The following MAGI2 variants were observed in gnomAD, a reference collection of about 807,000 sequenced individuals.
MAGI2 encodes the protein membrane associated guanylate kinase, WW and PDZ domain containing 2.
In MAGI2, 35 loss-of-function variants were observed where a neutral mutation model predicts 133.3. The ratio of observed to expected loss-of-function variants is 0.26; its 90% CI spans 0.20 to 0.35. The LOEUF (loss-of-function observed/expected upper bound fraction) is 0.35. Ranked by LOEUF, MAGI2 falls within the 10% of genes least tolerant of loss-of-function variation. The pLI, the probability that MAGI2 is intolerant of heterozygous loss-of-function variation, is 1.00. For missense variants in MAGI2, 1,636 were observed against 1,863.4 expected, an observed-to-expected ratio of 0.88 and a Z score of 2.25; for synonymous variants, 729 against 710.6, an observed-to-expected ratio of 1.03 and a Z score of -0.41.
intron 1 of MAGI2, among the ~76,000 whole-genome samples, chr7:79,358,447 C>T (rs940690753): frequency 6.6e-6 from 1 of 152,020 alleles, no homozygotes; most frequent in Non-Finnish European, 1.5e-5. Flanking sequence ...GAGTACTATA[C>T]CTCTCGAGGT....
chr7:78,293,488 G>A (rs1164821540), intron 9 of MAGI2, among the ~76,000 whole-genome samples: 3 of 152,180 alleles, frequency 2.0e-5, no homozygotes, highest in Non-Finnish European at 4.4e-5. Flanking sequence ...CTGTTGGTGG[G>A]ACTATAAGCT....
At chr7:78,445,484 A>G (rs776672870) in intron 6 of MAGI2, among the ~76,000 whole-genome samples, 11 of 152,042 alleles carry the variant, frequency 7.2e-5, no homozygotes, top group Non-Finnish European at 1.5e-4. Context: ...TTGATATATA[A>G]TCTTCATATA....
At chr7:78,980,145 G>T (rs748469442) in intron 2 of MAGI2, among the ~76,000 whole-genome samples, 1 of 151,530 alleles carries the variant, frequency 6.6e-6, no homozygotes, top group Non-Finnish European at 1.5e-5. Context: ...TCCCAGGCAG[G>T]TTAGGAAATC....
rs140828645 is a variant in MAGI2 at position 78,990,905 on chromosome 7, TACAC to T, written c.418+16181_418+16184del. 6.6e-3 allele frequency among the ~76,000 whole-genome samples: 937 copies of T among 141,480 alleles called. 4 individuals are homozygous for T. The highest frequency in any genetic ancestry group is 0.021 in the Middle Eastern group (6 of 280). 92.8% of individuals were successfully genotyped at this position (141,480 alleles called of 152,430 possible). On this transcript the variant is annotated intron_variant, in intron 2 of 21. Coordinates refer to ENST00000354212, the MANE Select transcript of MAGI2 (RefSeq NM_012301.4). ...TGAAATAAGAGATTTTATATGTACA[TACAC>T]ACACACACACACACACACACACACA...
chr7:79,193,681 A>C (rs1459655556), intron 1 of MAGI2, among the ~76,000 whole-genome samples: 1 of 151,956 alleles, frequency 6.6e-6, no homozygotes, highest in Non-Finnish European at 1.5e-5. Context: ...GGACTGTGGA[A>C]GAAAGCAAAA....
intron 2 of MAGI2, among the ~76,000 whole-genome samples, chr7:78,635,241 G>C (rs191556794): frequency 1.3e-5 from 2 of 152,308 alleles, no homozygotes; most frequent in East Asian, 3.9e-4. Flanking sequence ...AGTGCCAATG[G>C]AATTTTTTTA....
chr7:78,791,654 A>G (rs1787151808), intron 2 of MAGI2, among the ~76,000 whole-genome samples: 1 of 150,118 alleles, frequency 6.7e-6, no homozygotes, highest in Non-Finnish European at 1.5e-5. Context: ...GGTTCAAGTG[A>G]TTCTCCTGCC....
At chr7:79,303,964 A>G (rs117482406) in intron 1 of MAGI2, among the ~76,000 whole-genome samples, 11,244 of 152,136 alleles carry the variant, frequency 0.074, 554 homozygotes, top group Non-Finnish European at 0.11. Flanking sequence ...TGTGTCTCAT[A>G]TATCCTGTAT....
Position 79,019,381 on chromosome 7 carries a change from T to G in MAGI2, c.302-12175A>C, listed in dbSNP as rs566010231. Among the ~76,000 whole-genome samples the G allele has an allele frequency of 7.9e-5, 12 of 152,178 alleles. No homozygotes were observed. In the South Asian group the frequency reaches 2.5e-3, roughly 32 times the overall value. ...AATTGTTTCATAAGATGTTTCCCCT[T>G]TCATTCAGCACTCATTCTCTATCCT... On this transcript the variant is annotated intron_variant, in intron 1 of 21. Transcript: ENST00000354212.
intron 3 of MAGI2, among the ~76,000 whole-genome samples, chr7:78,604,062 G>A (rs1399164187): frequency 1.3e-5 from 2 of 152,160 alleles, no homozygotes; most frequent in Non-Finnish European, 2.9e-5. Flanking sequence ...TAGATATTCT[G>A]ATGAAACATA....
intron 3 of MAGI2, chr7:78,583,284 G>A: frequency 6.5e-6 from 1 of 152,838 alleles, no homozygotes; most frequent in Non-Finnish European, 1.5e-5. Context: ...GGATCACGAG[G>A]TCAGGAGATC....
intron 2 of MAGI2, among the ~76,000 whole-genome samples, chr7:78,748,110 A>C (rs1260975171): frequency 6.6e-6 from 1 of 152,136 alleles, no homozygotes; most frequent in Admixed American, 6.5e-5. Context: ...TTTTCCACTG[A>C]GTAAGCCCAG....
chr7:79,128,207 C>T (rs1206902662), intron 1 of MAGI2, among the ~76,000 whole-genome samples: 2 of 151,810 alleles, frequency 1.3e-5, no homozygotes, highest in African/African-American at 4.8e-5. Flanking sequence ...GACCCAGAAA[C>T]TCCAGGATTC....
intron 21 of MAGI2, chr7:78,072,880 AC>A: frequency 2.5e-6 from 1 of 397,666 alleles, no homozygotes; most frequent in Non-Finnish European, 4.4e-6. Context: ...CTTCTGTTGA[AC>A]TCCTAGGCTC....
rs183823332 is a variant in MAGI2 at position 78,890,967 on chromosome 7, T to G, written c.418+116123A>C. ...GGTTTTTTGAAAAGACCAACGCAATTGATAGACTGCTAGCAAGAATAATAA... is the reference window on the plus strand; with the variant it reads ...GGTTTTTTGAAAAGACCAACGCAATGGATAGACTGCTAGCAAGAATAATAA... On this transcript the variant is annotated intron_variant, in intron 2 of 21. Coordinates refer to ENST00000354212, the MANE Select transcript of MAGI2 (RefSeq NM_012301.4). Among the ~76,000 whole-genome samples, 20 of 151,932 alleles carry G rather than the reference T, an allele frequency of 1.3e-4. No homozygotes were observed. The East Asian group carries it at 3.9e-3, about 29-fold the overall frequency.
At chr7:78,357,845 A>G (rs1392885635) in intron 7 of MAGI2, among the ~76,000 whole-genome samples, 2 of 152,062 alleles carry the variant, frequency 1.3e-5, no homozygotes, top group African/African-American at 4.8e-5. Context: ...ATTGTATTAA[A>G]CTTAAATGTG....
chr7:78,921,572 C>G (rs139399340), intron 2 of MAGI2, among the ~76,000 whole-genome samples: 1 of 151,946 alleles, frequency 6.6e-6, no homozygotes, highest in African/African-American at 2.4e-5. Flanking sequence ...GAAAACAGCA[C>G]AGGAAATCAC....
intron 14 of MAGI2, among the ~76,000 whole-genome samples, chr7:78,176,335 T>G (rs1826599985): frequency 6.6e-6 from 1 of 152,192 alleles, no homozygotes; most frequent in Admixed American, 6.5e-5. Flanking sequence ...GGGAAGTTAG[T>G]GACGTTCTGG....
At chr7:78,180,182 G>C (rs1011951547) in intron 13 of MAGI2, among the ~76,000 whole-genome samples, 1 of 152,156 alleles carries the variant, frequency 6.6e-6, no homozygotes, top group African/African-American at 2.4e-5. Context: ...TAAAATGATA[G>C]AGCCAGCATA....
Sources: allele counts gnomAD v4.1 joint callset (sites outside exome capture counted in the v4.1 genomes callset), GRCh38; gene constraint gnomAD v4.1.1; transcripts MANE v1.5; gene names NCBI Gene and HGNC (gene_info 2026-07-23, HGNC 2026-07-21).